The following ZC3H12A variants were observed in gnomAD, a reference collection of about 807,000 sequenced individuals.
ZC3H12A encodes zinc finger CCCH-type containing 12A.
A neutral mutation model predicts 29.9 loss-of-function variants in ZC3H12A; 9 were observed. The observed-to-expected ratio is 0.30, with a 90% CI of 0.18 to 0.53. ZC3H12A has a LOEUF of 0.53. ZC3H12A is among the 20% of genes least tolerant of loss of function. The pLI is 0.96. For synonymous variants in ZC3H12A, 323 were observed against 338.1 expected (o/e 0.96, Z 0.49); for missense variants, 617 against 799.0 (o/e 0.77, Z 2.75).
chr1:37,476,922 G>T lies in ZC3H12A; in HGVS notation c.443+983G>T, dbSNP rs1641604313. Among the ~76,000 whole-genome samples, 1 of 152,240 alleles carries T rather than the reference G, an allele frequency of 6.6e-6. No individual in the cohort carries two copies. Among genetic ancestry groups the T allele is most frequent in the African/African-American group, 2.4e-5 (1 of 41,462 alleles). On this transcript the variant is annotated intron_variant, in intron 2 of 5. Coordinates refer to ENST00000373087, the MANE Select transcript of ZC3H12A (RefSeq NM_025079.3). The surrounding 1 kb of genome is among the most constrained non-coding windows in gnomAD (Gnocchi z 6.0). ...CTGGCTGCCCTGAGGGAGCTCCTAG[G>T]TGGGCTGCCCAAGGCTGGCATGACA...
chr1:37,481,557 A>T, intron 3 of ZC3H12A, 44 bp from the exon 4 acceptor site: 1 of 1,601,004 alleles, frequency 6.2e-7, no homozygotes, highest in Non-Finnish European at 8.6e-7. Flanking sequence ...GCCTGGCTCT[A>T]GGTCCCGCTG....
At chr1:37,480,065 CACTGGGA>C in intron 2 of ZC3H12A, 1 of 1,272,162 alleles carries the variant, frequency 7.9e-7, no homozygotes. Flanking sequence ...TGGGAACTGG[CACTGGGA>C]ATGGAGGCCT....
Position 37,475,359 on chromosome 1 carries a change from G to A in ZC3H12A, c.-38-100G>A, listed in dbSNP as rs1641560676. ...CAACCTGAACTAATAACACGATGCAGTGTGTAGTGCCACCAATCCCTCATC... is the reference window on the plus strand; with the variant it reads ...CAACCTGAACTAATAACACGATGCAATGTGTAGTGCCACCAATCCCTCATC... On this transcript the variant is annotated intron_variant, in intron 1 of 5. Coordinates refer to ENST00000373087, the MANE Select transcript of ZC3H12A (RefSeq NM_025079.3). The surrounding 1 kb of genome is among the most constrained non-coding windows in gnomAD (Gnocchi z 5.2). 2.2e-6 allele frequency: 2 copies of A among 904,352 alleles called. No homozygotes were observed. Among genetic ancestry groups the A allele is most frequent in the East Asian group, 2.4e-5 (1 of 41,112 alleles). 56.0% of individuals were successfully genotyped at this position (904,352 alleles called of 1,614,324 possible). A position where few individuals can be genotyped will look rare whatever the true frequency, so the allele number is the denominator to read the frequency against.
Position 37,483,254 on chromosome 1 carries a change from C to T in ZC3H12A, c.1443C>T (p.Thr481=), listed in dbSNP as rs151076639. Residue 481 remains threonine, a synonymous_variant, in exon 6 of 6, where the codon ACC becomes ACT. Coordinates refer to ENST00000373087, the MANE Select transcript of ZC3H12A (RefSeq NM_025079.3). ...YSPYGSELPA[T]AAFSAFGRAM... ...CCTATGGATCTGAGCTCCCAGCCACCGCAGCCTTCTCTGCCTTTGGCCGGG... is the reference window on the plus strand; with the variant it reads ...CCTATGGATCTGAGCTCCCAGCCACTGCAGCCTTCTCTGCCTTTGGCCGGG... The T allele has an allele frequency of 7.0e-5, 113 of 1,613,816 alleles. No individual in the cohort carries two copies. Among genetic ancestry groups the T allele is most frequent in the African/African-American group, 2.0e-4 (15 of 74,918 alleles).
In ZC3H12A at chr1:37,477,444, A is replaced by T. The variant is rs185642672; in HGVS notation, c.443+1505A>T. 1.1e-3 allele frequency among the ~76,000 whole-genome samples: 170 copies of T among 152,290 alleles called. 2 individuals carry two copies. The highest frequency in any genetic ancestry group is 4.0e-3 in the African/African-American group (167 of 41,568). On this transcript the variant is annotated intron_variant, in intron 2 of 5. Coordinates refer to ENST00000373087, the MANE Select transcript of ZC3H12A (RefSeq NM_025079.3). ...TGGCAGGAGGGGAATTCCAGCCTCA[A>T]ACTTCCTGTCTCAGCTGCTACTCGG...
rs1170487091 is a variant in ZC3H12A, at chr1:37,479,245, C to G, written c.444-1045C>G. ...CTGGGAGCCCCAAGCCCCAGTCCCC[C>G]ATCCCTCAGGAAATCCAGTTGGAAC... On this transcript the variant is annotated intron_variant, in intron 2 of 5. Transcript: ENST00000373087. The surrounding 1 kb of genome is among the most constrained non-coding windows in gnomAD (Gnocchi z 4.5). The G allele has an allele frequency of 3.0e-6, 3 of 985,238 alleles. No individual in the cohort carries two copies. The African/African-American group carries it at 5.2e-5, about 17-fold the overall frequency. The allele number at this position is 985,238 out of a possible 1,614,324, so 61.0% of individuals were successfully genotyped here. A position where few individuals can be genotyped will look rare whatever the true frequency, so the allele number is the denominator to read the frequency against.
rs1171415934 is a variant in ZC3H12A, at chr1:37,475,345, A to C, written c.-38-114A>C. 1 of 818,178 alleles carries C rather than the reference A, an allele frequency of 1.2e-6. No individual in the cohort carries two copies. Among genetic ancestry groups the C allele is most frequent in the Non-Finnish European group, 1.9e-6 (1 of 518,958 alleles). The allele number at this position is 818,178 out of a possible 1,614,324, so 50.7% of individuals were successfully genotyped here. ...AGCTTTTGAGAGGACAACCTGAACTAATAACACGATGCAGTGTGTAGTGCC... is the reference window on the plus strand; with the variant it reads ...AGCTTTTGAGAGGACAACCTGAACTCATAACACGATGCAGTGTGTAGTGCC... On this transcript the variant is annotated intron_variant, in intron 1 of 5. Transcript: ENST00000373087. The surrounding 1 kb of genome is among the most constrained non-coding windows in gnomAD (Gnocchi z 5.2).
rs1201760605 is a variant in ZC3H12A, at chr1:37,483,315, T to G, written c.1504T>G (p.Tyr502Asp). ...GAGHFSVPADYPPAPPAFPPR... is the reference protein window; with the variant it reads ...GAGHFSVPADDPPAPPAFPPR... ...TGGCCACTTCAGTGTCCCTGCCGAC[T>G]ACCCACCCGCGCCCCCTGCCTTTCC... The change falls in exon 6 of 6, where the codon TAC becomes GAC. Residue 502 changes from tyrosine to aspartate, a missense_variant. Tyr to Asp is a radical substitution (Grantham distance 160). Transcript: ENST00000373087. The G allele has an allele frequency of 6.2e-7, 1 of 1,613,974 alleles. No individual in the cohort carries two copies. The highest frequency in any genetic ancestry group is 1.7e-5 in the Admixed American group (1 of 60,002).
In ZC3H12A at chr1:37,483,324, G is replaced by A. The variant is rs770273822; in HGVS notation, c.1513G>A (p.Ala505Thr). 71 of 1,613,898 alleles carry A rather than the reference G, an allele frequency of 4.4e-5. No homozygotes were observed. The highest frequency in any genetic ancestry group is 1.6e-4 in the Middle Eastern group (1 of 6,084). ...HFSVPADYPP[A>T]PPAFPPREYW... is the part of the protein sequence containing the mutation. ...CAGTGTCCCTGCCGACTACCCACCC[G>A]CGCCCCCTGCCTTTCCACCTCGAGA... Residue 505 changes from alanine to threonine, a missense_variant, in exon 6 of 6, where the codon GCG (alanine) becomes ACG (threonine). This residue lies in a region of ZC3H12A where 172 missense variants were observed against 203.1 expected (regional missense o/e 0.85). Transcript: ENST00000373087.
intron 4 of ZC3H12A, 147 bp from the exon 5 acceptor site, chr1:37,482,287 G>A: frequency 1.5e-6 from 1 of 665,182 alleles, no homozygotes; most frequent in East Asian, 2.7e-5. Flanking sequence ...CCCACCCATA[G>A]AGCAGTTTTG....
rs193053985 is a variant in ZC3H12A at position 37,483,573 on chromosome 1, G to A, written c.1762G>A (p.Glu588Lys). The change falls in exon 6 of 6, where the codon GAG (glutamate) becomes AAG (lysine). Residue 588 changes from glutamate to lysine, a missense_variant. Coordinates refer to ENST00000373087, the MANE Select transcript of ZC3H12A (RefSeq NM_025079.3). ...CCTGGACCCCCAGCAGCTGGCTGCC[G>A]AGATCCTCTCCTACAAGTCCCAGCA... ...QLLDPQQLAA[E>K]ILSYKSQHPS... The A allele has an allele frequency of 1.2e-5, 20 of 1,611,960 alleles. No individual in the cohort carries two copies. The highest frequency in any genetic ancestry group is 4.5e-5 in the East Asian group (2 of 44,872).
chr1:37,480,497 C>A, intron 3 of ZC3H12A, 68 bp downstream of exon 3: 6 of 1,553,220 alleles, frequency 3.9e-6, no homozygotes, highest in Non-Finnish European at 5.2e-6. Flanking sequence ...CCAAGAGAGA[C>A]CCTCTGGGAG....
At chr1:37,480,463 C>T (rs1641680698) in intron 3 of ZC3H12A, 34 bp downstream of exon 3, 1 of 1,597,284 alleles carries the variant, frequency 6.3e-7, no homozygotes, top group Admixed American at 1.7e-5. Context: ...GATGGTCTTA[C>T]TGCCCCAGCA....
In ZC3H12A at chr1:37,482,476, C is replaced by G. The variant is rs141726630; in HGVS notation, c.861C>G (p.Ser287Arg). Residue 287 changes from serine to arginine, a missense_variant, in exon 5 of 6, where the codon AGC becomes AGG. By Grantham distance (110) the Ser-to-Arg change is moderately radical. Around this residue, in one of 5 missense-constraint regions of ZC3H12A, gnomAD observed 255 missense variants for 402.5 expected, o/e 0.63. Transcript: ENST00000373087. ...PDDPLGRHGPSLDNFLRKKPL... is the reference protein window; with the variant it reads ...PDDPLGRHGPRLDNFLRKKPL... The stretch of plus-strand genomic sequence containing the variant: ...ACCCACTGGGCCGGCACGGGCCCAG[C>G]CTGGACAACTTCCTGCGTAAGAAGC... 6.2e-7 allele frequency: 1 copy of G among 1,614,010 alleles called. No individual in the cohort carries two copies. Among genetic ancestry groups the G allele is most frequent in the Non-Finnish European group, 8.5e-7 (1 of 1,180,008 alleles).
At position 37,482,864 on chromosome 1, in the gene ZC3H12A, G is replaced by A. The variant is rs771982821; in HGVS notation, c.1053G>A (p.Lys351=). The change falls in exon 6 of 6, where the codon AAG becomes AAA. Residue 351 remains lysine, a synonymous_variant. Coordinates refer to ENST00000373087, the MANE Select transcript of ZC3H12A (RefSeq NM_025079.3). ...ALLSPPRAPS[K]DKNGRRPSPS... is the part of the protein sequence containing the mutation. The stretch of plus-strand genomic sequence containing the variant: ...TCTCACCCCCCAGAGCCCCAAGCAA[G>A]GACAAAAATGGCCGGCGGCCTTCAC... 5.0e-6 allele frequency: 8 copies of A among 1,613,828 alleles called. No individual in the cohort carries two copies. The highest frequency in any genetic ancestry group is 2.2e-5 in the East Asian group (1 of 44,892).
chr1:37,475,450 G>T lies in ZC3H12A; in HGVS notation c.-38-9G>T. Reference sequence around the variant, plus strand: ...CTATTCACCGTCCCTAACCCTGTTGGTTGTTCAGTAGGAGCTGTGGCGCGG... The same window carrying T: ...CTATTCACCGTCCCTAACCCTGTTGTTTGTTCAGTAGGAGCTGTGGCGCGG... On this transcript the variant is annotated splice_polypyrimidine_tract_variant and intron_variant, in intron 1 of 5. Transcript: ENST00000373087. The surrounding 1 kb of genome is among the most constrained non-coding windows in gnomAD (Gnocchi z 5.2). The T allele has an allele frequency of 6.4e-7, 1 of 1,550,942 alleles. No homozygotes were observed.
chr1:37,477,763 C>T (rs116065675), intron 2 of ZC3H12A, among the ~76,000 whole-genome samples: 1 of 152,192 alleles, frequency 6.6e-6, no homozygotes, highest in Non-Finnish European at 1.5e-5. Context: ...GCAGGGATGT[C>T]TGGTTTTCCT....
chr1:37,479,639 C>T lies in ZC3H12A; in HGVS notation c.444-651C>T, dbSNP rs1007384596. On this transcript the variant is annotated intron_variant, in intron 2 of 5. Transcript: ENST00000373087. The surrounding 1 kb of genome is among the most constrained non-coding windows in gnomAD (Gnocchi z 4.5). ...GGCTCCTGGGGAACTTGCTTCACTC[C>T]GGCGCTTTCTGTCCCATGCTGAAGG... 11 of 985,300 alleles carry T rather than the reference C, an allele frequency of 1.1e-5. No homozygotes were observed. The highest frequency in any genetic ancestry group is 1.2e-5 in the Non-Finnish European group (10 of 829,922). 61.0% of individuals were successfully genotyped at this position (985,300 alleles called of 1,614,324 possible). A position where few individuals can be genotyped will look rare whatever the true frequency, so the allele number is the denominator to read the frequency against.
At chr1:37,482,640 G>A in intron 5 of ZC3H12A, 97 bp from the exon 6 acceptor site, 2 of 1,609,226 alleles carry the variant, frequency 1.2e-6, no homozygotes, top group South Asian at 2.2e-5. Flanking sequence ...CTCCACCATT[G>A]GACCACCCAA....
Sources: allele counts gnomAD v4.1 joint callset (sites outside exome capture counted in the v4.1 genomes callset), GRCh38; gene constraint gnomAD v4.1.1; regional missense constraint gnomAD v4.1.1; non-coding constraint Gnocchi (gnomAD v3.1); transcripts MANE v1.5; gene names NCBI Gene and HGNC (gene_info 2026-07-23, HGNC 2026-07-21).